The following ASCC2 variants were observed in gnomAD, a reference collection of about 807,000 sequenced individuals.
ASCC2 encodes the protein ASC-1 complex subunit P100.
In ASCC2, 42 loss-of-function variants were observed where a neutral mutation model predicts 93.5. That is an observed-to-expected ratio of 0.45 (90% CI 0.35 to 0.58). The LOEUF is 0.58. Among genes scored for constraint, ASCC2 ranks in the 20% least tolerant of loss-of-function variants. The probability of loss-of-function intolerance (pLI) is 0.00; values close to 1 mark genes in which losing one functional copy is unlikely to be tolerated. For missense variants in ASCC2, 859 were observed against 977.6 expected, an observed-to-expected ratio of 0.88 and a Z score of 1.62; for synonymous variants, 364 against 384.2, an observed-to-expected ratio of 0.95 and a Z score of 0.62.
chr22:29,806,272 A>G lies in ASCC2; in HGVS notation c.1104T>C (p.Asp368=), dbSNP rs760257582. The stretch of plus-strand genomic sequence containing the variant: ...TGTCTTCGGCCACGGGGAAGAGTGC[A>G]TCATAGTCCCGGAGGAACCTGCAGG... ...LQEKRFLRDY[D]ALFPVAEDIS... The change falls in exon 12 of 20, where the codon GAT becomes GAC. Residue 368 remains aspartate (D), a synonymous_variant. Transcript: ENST00000307790. The G allele has an allele frequency of 3.1e-6, 5 of 1,614,030 alleles. No individual in the cohort carries two copies. The Admixed American group carries it at 5.0e-5, about 16-fold the overall frequency.
At chr22:29,802,331 G>T in intron 13 of ASCC2, 123 bp from the exon 14 acceptor site, 1 of 925,870 alleles carries the variant, frequency 1.1e-6, no homozygotes, top group Non-Finnish European at 1.6e-6. Context: ...TACCCCTCCT[G>T]CCTGTGGGAA....
intron 8 of ASCC2, among the ~76,000 whole-genome samples, chr22:29,808,524 C>T (rs914766495): frequency 1.3e-5 from 2 of 152,132 alleles, no homozygotes; most frequent in African/African-American, 2.4e-5. Flanking sequence ...TTTTCTTGCT[C>T]AAAAACTGTC....
intron 8 of ASCC2, among the ~76,000 whole-genome samples, chr22:29,809,111 G>T (rs968966407): frequency 3.3e-5 from 4 of 122,766 alleles, no homozygotes; most frequent in Middle Eastern, 6.5e-3. Context: ...AACAGAGTGA[G>T]ACTCTGTCTC....
Position 29,832,248 on chromosome 22 carries a change from C to T in ASCC2, c.78G>A (p.Ala26=), listed in dbSNP as rs771384841. ...TGGCCTTAAGTGACCGGCTCACCAG[C>T]GCTGGTGAAGTCCTCAGCTTTCCTG... is the stretch of plus-strand genomic sequence containing the variant. ...PKTGKLRTSP[A]LHPEQKADRY... The change falls in exon 2 of 20, where the codon GCG becomes GCA. Residue 26 remains alanine, a synonymous_variant. Coordinates refer to ENST00000307790, the MANE Select transcript of ASCC2 (RefSeq NM_032204.5). The T allele has an allele frequency of 1.7e-5, 28 of 1,612,754 alleles. No homozygotes were observed. The highest frequency in any genetic ancestry group is 1.2e-4 in the South Asian group (11 of 91,042).
intron 14 of ASCC2, 92 bp from the exon 15 acceptor site, chr22:29,801,202 A>C: frequency 6.9e-7 from 1 of 1,451,112 alleles, no homozygotes; most frequent in Non-Finnish European, 9.2e-7. Flanking sequence ...AATCCATCGG[A>C]TTTTTCAGTT....
chr22:29,811,357 A>C (rs1272530711), intron 8 of ASCC2, among the ~76,000 whole-genome samples: 2 of 152,228 alleles, frequency 1.3e-5, no homozygotes, highest in Non-Finnish European at 2.9e-5. Flanking sequence ...AGAACTGGGA[A>C]AGTAGAAAGG....
rs576238232 is a variant in ASCC2 at position 29,810,601 on chromosome 22, A to G, written c.834-2416T>C. 2.0e-5 allele frequency among the ~76,000 whole-genome samples: 3 copies of G among 152,334 alleles called. No individual in the cohort carries two copies. The East Asian group carries it at 5.8e-4, about 29-fold the overall frequency. ...GAGTAAATTGGAACAACCCCTATGG[A>G]GGGCGATTTGGCAAGATCTATGGAA... On this transcript the variant is annotated intron_variant, in intron 8 of 19. Transcript: ENST00000307790.
At chr22:29,811,283 A>ATAT (rs1356859925) in intron 8 of ASCC2, among the ~76,000 whole-genome samples, 1 of 152,222 alleles carries the variant, frequency 6.6e-6, no homozygotes, top group African/African-American at 2.4e-5. Context: ...ATATGTGCAT[A>ATAT]TATTCTTGCA....
At position 29,804,829 on chromosome 22, in the gene ASCC2, C is replaced by T. The variant is rs2147758336; in HGVS notation, c.1162G>A (p.Asp388Asn). 1.9e-6 allele frequency: 3 copies of T among 1,612,914 alleles called. No homozygotes were observed. The highest frequency in any genetic ancestry group is 1.7e-6 in the Non-Finnish European group (2 of 1,178,996). ...AGGATGTAGGCAGTCCGCGTCTCGT[C>T]CCTGTGAGGACTTGTTAAGGGGTCT... ...SLLQQASSVLDETRTAYILQA... is the reference protein window; with the variant it reads ...SLLQQASSVLNETRTAYILQA... Residue 388 changes from aspartate (D) to asparagine (N), a missense_variant and splice_region_variant, in exon 13 of 20, where the codon GAC becomes AAC. By Grantham distance (23) the Asp-to-Asn change is conservative. Coordinates refer to ENST00000307790, the MANE Select transcript of ASCC2 (RefSeq NM_032204.5).
In ASCC2 at chr22:29,814,768, C is replaced by G; in HGVS notation, c.610-1G>C. 1 of 1,609,280 alleles carries G rather than the reference C, an allele frequency of 6.2e-7. No homozygotes were observed. Among genetic ancestry groups the G allele is most frequent in the Non-Finnish European group, 8.5e-7 (1 of 1,177,294 alleles). The stretch of plus-strand genomic sequence containing the variant: ...AGTGCTGGAGGATATTGCTGAAGAC[C>G]TGTGAAAGACAAGAACGGGCTCTCT... On this transcript the variant is annotated splice_acceptor_variant, in intron 6 of 19. Coordinates refer to ENST00000307790, the MANE Select transcript of ASCC2 (RefSeq NM_032204.5). LOFTEE classifies it high-confidence loss of function.
chr22:29,826,861 G>C (rs1350938253), intron 2 of ASCC2, among the ~76,000 whole-genome samples: 1 of 151,886 alleles, frequency 6.6e-6, no homozygotes, highest in African/African-American at 2.4e-5. Flanking sequence ...ACTTTGGGAG[G>C]CTGAGGCAGG....
chr22:29,832,960 C>T (rs1427824563), intron 1 of ASCC2, among the ~76,000 whole-genome samples: 1 of 152,102 alleles, frequency 6.6e-6, no homozygotes, highest in Non-Finnish European at 1.5e-5. Flanking sequence ...TGAGTTCTTA[C>T]TACATCACTC....
chr22:29,811,799 A>G (rs896990446), intron 8 of ASCC2, among the ~76,000 whole-genome samples: 1 of 152,238 alleles, frequency 6.6e-6, no homozygotes, highest in African/African-American at 2.4e-5. Flanking sequence ...TTCAAAAGCA[A>G]TCTGTGCCAC....
intron 2 of ASCC2, among the ~76,000 whole-genome samples, chr22:29,829,899 C>T (rs1156955790): frequency 3.9e-5 from 6 of 152,118 alleles, no homozygotes; most frequent in Admixed American, 3.3e-4. Context: ...CTACCAATTA[C>T]CCTGAAAAGG....
chr22:29,821,956 G>A (rs768956898), intron 5 of ASCC2: 5 of 448,998 alleles, frequency 1.1e-5, no homozygotes, highest in Middle Eastern at 3.9e-4. Context: ...ATATGATTGC[G>A]CCACTGCACT....
At chr22:29,801,829 G>A (rs1319401764) in intron 14 of ASCC2, among the ~76,000 whole-genome samples, 165 bp downstream of exon 14, 4 of 152,150 alleles carry the variant, frequency 2.6e-5, no homozygotes, top group African/African-American at 7.2e-5. Context: ...AAACTCCTGC[G>A]GGGCCTAAGG....
At chr22:29,807,578 G>A (rs16988049) in intron 9 of ASCC2, among the ~76,000 whole-genome samples, 19,093 of 152,200 alleles carry the variant, frequency 0.13, 1,951 homozygotes, top group African/African-American at 0.28. Flanking sequence ...TTTGGGTCAA[G>A]TCTCCTTCAC....
intron 14 of ASCC2, among the ~76,000 whole-genome samples, chr22:29,801,464 C>A (rs1187436546): frequency 1.5e-5 from 2 of 131,008 alleles, no homozygotes; most frequent in Non-Finnish European, 3.1e-5. Context: ...GGCTGAGGAA[C>A]TTGTCCAAAG....
chr22:29,807,235 CAA>C (rs553545816), intron 9 of ASCC2, among the ~76,000 whole-genome samples: 1,882 of 46,236 alleles, frequency 0.041, 20 homozygotes, highest in African/African-American at 0.12. Context: ...GACCCTGTCT[CAA>C]AAAAAAAAAA....
Sources: allele counts gnomAD v4.1 joint callset (sites outside exome capture counted in the v4.1 genomes callset), GRCh38; gene constraint gnomAD v4.1.1; transcripts MANE v1.5; gene names NCBI Gene and HGNC (gene_info 2026-07-23, HGNC 2026-07-21).